DNAH3: variants seen among roughly 807,000 people sequenced by gnomAD.
DNAH3 encodes dynein axonemal heavy chain 3.
A neutral mutation model predicts 432.5 loss-of-function variants in DNAH3; 332 were observed. The observed-to-expected ratio is 0.77, with a 90% CI of 0.70 to 0.84. The LOEUF (loss-of-function observed/expected upper bound fraction) is 0.84. Ranked by LOEUF, DNAH3 falls within the 40% of genes least tolerant of loss-of-function variation. The pLI, the probability that DNAH3 is intolerant of heterozygous loss-of-function variation, is 0.00. For synonymous variants in DNAH3, 1,956 were observed against 1,900.2 expected (o/e 1.03, Z -0.76); for missense variants, 4,861 against 5,114.0 (o/e 0.95, Z 1.51).
chr16:20,950,422 C>T (rs1179349510), intron 56 of DNAH3, among the ~76,000 whole-genome samples: 1 of 152,182 alleles, frequency 6.6e-6, no homozygotes, highest in African/African-American at 2.4e-5. Context: ...CTGCCAGTAG[C>T]ACGCACTATG....
chr16:20,979,602 G>C (rs1446302700), intron 49 of DNAH3, 56 bp from the exon 50 acceptor site: 3 of 1,501,044 alleles, frequency 2.0e-6, no homozygotes, highest in Non-Finnish European at 2.8e-6. Flanking sequence ...GGGAGATCCA[G>C]TACAGCTTTA....
At chr16:21,134,214 T>A in intron 7 of DNAH3, 45 bp downstream of exon 8, 2 of 1,567,202 alleles carry the variant, frequency 1.3e-6, no homozygotes, top group Non-Finnish European at 1.7e-6. Flanking sequence ...TACACGTGGA[T>A]GTGGTCAAGA....
chr16:21,113,514 AGTGCT>A (rs1168963529), intron 12 of DNAH3, among the ~76,000 whole-genome samples: 4 of 152,198 alleles, frequency 2.6e-5, no homozygotes, highest in Admixed American at 6.5e-5. Context: ...GCTGGAGTGC[AGTGCT>A]GTGATCTCAG....
chr16:21,119,601 CT>C lies in DNAH3; in HGVS notation c.1699+1138del, dbSNP rs1325757702. On this transcript the variant is annotated intron_variant, in intron 11 of 61. Transcript: ENST00000261383. Reference sequence around the variant, plus strand: ...GGGCTCAAGCAGAAAAAAAAAAATTCTTTTTTTTTTTTGAGATGGAGTTTCA... The same window carrying C: ...GGGCTCAAGCAGAAAAAAAAAAATTCTTTTTTTTTTTGAGATGGAGTTTCA... Among the ~76,000 whole-genome samples, 167 of 142,918 alleles carry C rather than the reference CT, an allele frequency of 1.2e-3. 1 individual carries two copies. Among genetic ancestry groups the C allele is most frequent in the East Asian group, 5.5e-3 (27 of 4,938 alleles). 93.8% of individuals were successfully genotyped at this position (142,918 alleles called of 152,430 possible). A position where few individuals can be genotyped will look rare whatever the true frequency, so the allele number is the denominator to read the frequency against.
chr16:20,972,098 C>A (rs1035729354), intron 51 of DNAH3, among the ~76,000 whole-genome samples: 50 of 152,186 alleles, frequency 3.3e-4, no homozygotes, highest in African/African-American at 1.2e-3. Context: ...TTGGAACACA[C>A]AGGGGCAGCA....
intron 10 of DNAH3, chr16:21,121,092 A>G (rs777613555): frequency 2.1e-5 from 13 of 633,292 alleles, no homozygotes; most frequent in Non-Finnish European, 2.9e-5. Flanking sequence ...TGTGAAGCAT[A>G]CATAATGCAT....
At chr16:20,982,273 G>T (rs1265638115) in intron 49 of DNAH3, among the ~76,000 whole-genome samples, 2 of 151,940 alleles carry the variant, frequency 1.3e-5, no homozygotes, top group Admixed American at 6.6e-5. Context: ...AATCCCAGCT[G>T]CTTGGGGGAG....
intron 1 of DNAH3, among the ~76,000 whole-genome samples, chr16:21,153,962 G>A (rs74012118): frequency 0.044 from 6,675 of 152,208 alleles, 503 homozygotes; most frequent in African/African-American, 0.15. Flanking sequence ...GTATACATAC[G>A]GTTTCAAATA....
intron 19 of DNAH3, among the ~76,000 whole-genome samples, chr16:21,085,861 T>G (rs2091354264): frequency 6.6e-6 from 1 of 151,994 alleles, no homozygotes; most frequent in African/African-American, 2.4e-5. Context: ...TTGACATCCT[T>G]GGCCCAAGCA....
intron 59 of DNAH3, among the ~76,000 whole-genome samples, chr16:20,938,899 C>A (rs1422738703): frequency 6.6e-6 from 1 of 152,096 alleles, no homozygotes; most frequent in African/African-American, 2.4e-5. Context: ...TCCTCAGTCT[C>A]CTGAGTAGCT....
At chr16:21,037,267 C>A (rs768217401) in intron 34 of DNAH3, among the ~76,000 whole-genome samples, 17 of 152,114 alleles carry the variant, frequency 1.1e-4, no homozygotes, top group Non-Finnish European at 2.2e-4. Flanking sequence ...CGAGATCATG[C>A]CACTGCACTC....
chr16:21,120,128 G>C (rs866225027), intron 11 of DNAH3, among the ~76,000 whole-genome samples: 1 of 101,912 alleles, frequency 9.8e-6, no homozygotes, highest in African/African-American at 4.4e-5. Flanking sequence ...TTTTTTGACA[G>C]AGTCTCACTC....
intron 59 of DNAH3, 104 bp downstream of exon 59, chr16:20,941,297 G>A: frequency 1.4e-6 from 2 of 1,440,276 alleles, no homozygotes; most frequent in Non-Finnish European, 1.9e-6. Context: ...TACGGGTGGG[G>A]CAAACCACTT....
intron 6 of DNAH3, among the ~76,000 whole-genome samples, chr16:21,134,935 G>T (rs2092622199): frequency 6.6e-6 from 1 of 152,004 alleles, no homozygotes; most frequent in Non-Finnish European, 1.5e-5. Context: ...TGATCCACCC[G>T]CCTCGGCCTC....
rs899094122 is a variant in DNAH3, at chr16:21,133,356, C to T, written c.1082+903G>A. ...CCAGCCTGGGTGACAGGGTGAGATT[C>T]GTCTCAAAAAAAAAAAAAAAAAAGG... On this transcript the variant is annotated intron_variant, in intron 7 of 61. Transcript: ENST00000261383. 5.9e-5 allele frequency among the ~76,000 whole-genome samples: 6 copies of T among 101,124 alleles called. No individual in the cohort carries two copies. In the South Asian group the frequency reaches 2.0e-3, roughly 34 times the overall value. The allele number at this position is 101,124 out of a possible 152,430, so 66.3% of individuals were successfully genotyped here.
At chr16:21,077,309 C>A (rs916806520) in intron 20 of DNAH3, among the ~76,000 whole-genome samples, 3 of 151,954 alleles carry the variant, frequency 2.0e-5, no homozygotes, top group African/African-American at 7.3e-5. Context: ...ATTACAGGTG[C>A]CCTCCACCAC....
exon 48 of DNAH3, chr16:20,985,113 G>A (rs1279920151): frequency 6.2e-7 from 1 of 1,613,982 alleles, no homozygotes; most frequent in African/African-American, 1.3e-5. Flanking sequence ...AAAGAGGAGT[G>A]ACTTCAACCT....
intron 56 of DNAH3, among the ~76,000 whole-genome samples, chr16:20,951,686 C>T (rs1342218813): frequency 6.7e-6 from 1 of 150,034 alleles, no homozygotes; most frequent in East Asian, 2.0e-4. Context: ...TCCATCGCCT[C>T]GGTCTCCCAA....
exon 53 of DNAH3, chr16:20,965,246 C>A (rs751535934): frequency 6.2e-7 from 1 of 1,612,912 alleles, no homozygotes; most frequent in African/African-American, 1.3e-5. Flanking sequence ...CCCTCGCAGG[C>A]CGACGATACA....
Sources: allele counts gnomAD v4.1 joint callset (sites outside exome capture counted in the v4.1 genomes callset), GRCh38; gene constraint gnomAD v4.1.1; transcripts MANE v1.5; gene names NCBI Gene and HGNC (gene_info 2026-07-23, HGNC 2026-07-21).